RGPD4: variants seen among roughly 807,000 people sequenced by gnomAD.
RGPD4 encodes RANBP2 like and GRIP domain containing 4.
Under a neutral mutation model 141.1 loss-of-function variants are expected in RGPD4, and 84 were observed. The observed-to-expected ratio is 0.60, with a 90% CI of 0.50 to 0.71. The LOEUF is 0.71. Among genes scored for constraint, RGPD4 ranks in the 30% least tolerant of loss-of-function variants. The probability of loss-of-function intolerance (pLI) is 0.00; values close to 1 mark genes in which losing one functional copy is unlikely to be tolerated. For synonymous variants in RGPD4, 298 were observed against 566.8 expected, an observed-to-expected ratio of 0.53 and a Z score of 6.74; for missense variants, 918 against 1,622.4, an observed-to-expected ratio of 0.57 and a Z score of 7.46.
intron 18 of RGPD4, among the ~76,000 whole-genome samples, chr2:107,869,243 T>C (rs190391700): frequency 0.02 from 1,422 of 72,120 alleles, 483 homozygotes; most frequent in Admixed American, 0.15. Flanking sequence ...TGACTATTGG[T>C]AGTTTTGTCA....
chr2:107,844,334 AAATATGGCC>A (rs1681839663), intron 6 of RGPD4, among the ~76,000 whole-genome samples: 1 of 151,922 alleles, frequency 6.6e-6, no homozygotes, highest in African/African-American at 2.4e-5. Flanking sequence ...CTTGTGGGCC[AAATATGGCC>A]CCTGCCTAAT....
Position 107,882,800 on chromosome 2 carries a change from A to G in RGPD4, c.5193A>G (p.Arg1731=), listed in dbSNP as rs1184463339. The change falls in exon 22 of 23, where the codon AGA becomes AGG. Residue 1731 remains arginine (R), a synonymous_variant. Transcript: ENST00000408999. ...TGAAGCCAGGTAGTGAAAGAGAGAG[A>G]CTTCTTCCTGTTATAAATACGATGT... ...IFLKPGSERE[R]LLPVINTMLQ... 8 of 1,611,116 alleles carry G rather than the reference A, an allele frequency of 5.0e-6. No individual in the cohort carries two copies. In the African/African-American group the frequency reaches 6.7e-5, roughly 14 times the overall value.
chr2:107,855,536 T>TC (rs1682276679), intron 8 of RGPD4, among the ~76,000 whole-genome samples: 1 of 152,138 alleles, frequency 6.6e-6, no homozygotes, highest in East Asian at 1.9e-4. Context: ...GATCTGGGCA[T>TC]CCCGAGGGTG....
chr2:107,849,095 G>C (rs1267281299), intron 7 of RGPD4, among the ~76,000 whole-genome samples: 5 of 126,766 alleles, frequency 3.9e-5, no homozygotes, highest in East Asian at 2.1e-4. Context: ...TCTCTCTGTT[G>C]CCAGGCTGGA....
At chr2:107,846,070 G>C (rs1357354268) in intron 6 of RGPD4, among the ~76,000 whole-genome samples, 1 of 111,428 alleles carries the variant, frequency 9.0e-6, no homozygotes, top group Admixed American at 8.5e-5. Context: ...GGGCCTACAG[G>C]TTCCTGCCAC....
chr2:107,840,193 GCTATTTA>G (rs1681750274), intron 4 of RGPD4, among the ~76,000 whole-genome samples: 1 of 151,996 alleles, frequency 6.6e-6, no homozygotes, highest in African/African-American at 2.4e-5. Context: ...TTGTAGTCCT[GCTATTTA>G]CTTCTCTTCA....
chr2:107,833,236 TAA>T (rs1255725750), intron 1 of RGPD4, among the ~76,000 whole-genome samples: 6 of 144,378 alleles, frequency 4.2e-5, no homozygotes, highest in East Asian at 4.0e-4. Context: ...CCGTTTGAAT[TAA>T]AAAAAAAAAG....
At position 107,838,920 on chromosome 2, in the gene RGPD4, G is replaced by A. The variant is rs201566550; in HGVS notation, c.361G>A (p.Ala121Thr). The A allele has an allele frequency of 3.8e-3, 5,689 of 1,478,814 alleles. 19 individuals are homozygous for A. Among genetic ancestry groups the A allele is most frequent in the Non-Finnish European group, 4.8e-3 (5,276 of 1,106,102 alleles). The allele number at this position is 1,478,814 out of a possible 1,614,324, so 91.6% of individuals were successfully genotyped here. A position where few individuals can be genotyped will look rare whatever the true frequency, so the allele number is the denominator to read the frequency against. The part of the protein sequence containing the change: ...DGRAKYWVER[A>T]AKLFPGSPAI... ...AAGAGCAAAATACTGGGTGGAAAGA[G>A]CAGCAAAACTTTTCCCAGGAAGTCC... Residue 121 changes from alanine (A) to threonine (T), a missense_variant, in exon 4 of 23, where the codon GCA (alanine) becomes ACA (threonine). Physicochemically the swap from Ala to Thr is moderately conservative, Grantham distance 58 (BLOSUM62 0). Transcript: ENST00000408999.
intron 22 of RGPD4, among the ~76,000 whole-genome samples, chr2:107,889,127 G>T (rs575321452): frequency 1.3e-5 from 2 of 149,808 alleles, no homozygotes; most frequent in Non-Finnish European, 2.9e-5. Context: ...ACATATATAC[G>T]TATGAAAACA....
intron 22 of RGPD4, among the ~76,000 whole-genome samples, chr2:107,883,407 G>A (rs1339228294): frequency 1.4e-4 from 21 of 151,392 alleles, no homozygotes; most frequent in Non-Finnish European, 1.9e-4. Context: ...CGAGGCAGGC[G>A]GATCACAAGA....
At chr2:107,882,132 C>T (rs1675383899) in intron 21 of RGPD4, among the ~76,000 whole-genome samples, 1 of 151,900 alleles carries the variant, frequency 6.6e-6, no homozygotes, top group South Asian at 2.1e-4. Flanking sequence ...CTTTCAACTC[C>T]AATTTCCATG....
At chr2:107,877,811 T>C (rs1683132327) in intron 20 of RGPD4, among the ~76,000 whole-genome samples, 1 of 151,786 alleles carries the variant, frequency 6.6e-6, no homozygotes, top group African/African-American at 2.4e-5. Flanking sequence ...ACTAAGGTTT[T>C]TTTTGTTTGT....
chr2:107,891,624 C>G lies in RGPD4; in HGVS notation c.*893C>G, dbSNP rs1186387995. On this transcript the variant is annotated 3_prime_UTR_variant, in exon 23 of 23. Coordinates refer to ENST00000408999, the MANE Select transcript of RGPD4 (RefSeq NM_182588.3). ...ACTGACTATGAGTAGGTGGGCCCACCACTTGAGTTGAGGTGATTTCATGGT... is the reference window on the plus strand; with the variant it reads ...ACTGACTATGAGTAGGTGGGCCCACGACTTGAGTTGAGGTGATTTCATGGT... Among the ~76,000 whole-genome samples, 2 of 75,962 alleles carry G rather than the reference C, an allele frequency of 2.6e-5. 1 individual carries two copies. The highest frequency in any genetic ancestry group is 5.5e-5 in the Non-Finnish European group (2 of 36,586). 49.8% of individuals were successfully genotyped at this position (75,962 alleles called of 152,430 possible).
chr2:107,880,163 T>C, intron 21 of RGPD4, 56 bp downstream of exon 21: 1 of 1,604,456 alleles, frequency 6.2e-7, no homozygotes, highest in Non-Finnish European at 8.5e-7. Flanking sequence ...TTCTGGACCC[T>C]CCATACACAT....
In RGPD4 at chr2:107,826,997, G is replaced by A. The variant is rs1259652306; in HGVS notation, c.-17G>A. On this transcript the variant is annotated 5_prime_UTR_variant, in exon 1 of 23. Coordinates refer to ENST00000408999, the MANE Select transcript of RGPD4 (RefSeq NM_182588.3). ...AGCGCTGGTTTCACGCGTCTCGGGA[G>A]CCAGGTTGGTGGCGCGATGAGTTGC... The A allele has an allele frequency of 6.3e-7, 1 of 1,594,188 alleles. No homozygotes were observed.
chr2:107,830,477 TAA>T (rs1052892895), intron 1 of RGPD4, among the ~76,000 whole-genome samples: 1 of 152,150 alleles, frequency 6.6e-6, no homozygotes, highest in African/African-American at 2.4e-5. Context: ...CTCCATTAAA[TAA>T]AGTGGAGTGG....
chr2:107,829,551 C>G (rs113804077), intron 1 of RGPD4, among the ~76,000 whole-genome samples: 1 of 145,480 alleles, frequency 6.9e-6, no homozygotes. Context: ...CGACCTGGCC[C>G]GGCGGCGGCC....
intron 22 of RGPD4, among the ~76,000 whole-genome samples, chr2:107,885,583 T>C (rs1161859400): frequency 2.0e-5 from 3 of 152,180 alleles, no homozygotes; most frequent in South Asian, 4.1e-4. Flanking sequence ...AACTCTAAGA[T>C]GTGCATTTGG....
chr2:107,878,560 A>G (rs1354354910), intron 20 of RGPD4, among the ~76,000 whole-genome samples: 1 of 150,828 alleles, frequency 6.6e-6, no homozygotes, highest in Non-Finnish European at 1.5e-5. Flanking sequence ...TAAGGTACAT[A>G]TGCTTTTTTG....
Sources: gnomAD v4.1 joint callset for allele counts (sites outside exome capture counted in the v4.1 genomes callset) on GRCh38, gnomAD v4.1.1 for gene constraint, MANE v1.5 for transcripts, NCBI Gene and HGNC (gene_info 2026-07-23, HGNC 2026-07-21) for gene names.